CRYBG1: variants seen among roughly 807,000 people sequenced by gnomAD.
The protein encoded by CRYBG1 is crystallin beta-gamma domain containing 1, also known as beta/gamma crystallin domain-containing protein 1.
Under a neutral mutation model 189.2 loss-of-function variants are expected in CRYBG1, and 139 were observed. The observed-to-expected ratio is 0.73, with a 90% CI of 0.64 to 0.85. CRYBG1 has a LOEUF of 0.85. Ranked by LOEUF, CRYBG1 falls within the 40% of genes least tolerant of loss-of-function variation. The pLI is 0.00. For synonymous variants in CRYBG1, 1,023 were observed against 1,017.1 expected (o/e 1.01, Z -0.11); for missense variants, 2,611 against 2,675.8 (o/e 0.98, Z 0.53).
intron 1 of CRYBG1, among the ~76,000 whole-genome samples, chr6:106,367,799 CAAAA>C (rs68107811): frequency 1.5e-4 from 20 of 136,990 alleles, no homozygotes; most frequent in Non-Finnish European, 1.3e-4. Flanking sequence ...CCTGCTTATC[CAAAA>C]AAAAAAAAAA....
chr6:106,510,124 G>A (rs1171109043), intron 2 of CRYBG1, among the ~76,000 whole-genome samples: 1 of 152,258 alleles, frequency 6.6e-6, no homozygotes. Flanking sequence ...TTCCTGCGTC[G>A]CCAGGACTCA....
intron 2 of CRYBG1, among the ~76,000 whole-genome samples, chr6:106,458,732 G>A (rs1027628096): frequency 3.3e-5 from 5 of 152,136 alleles, no homozygotes; most frequent in Non-Finnish European, 2.9e-5. Context: ...AGCCTGCTGC[G>A]TGCAGCAGAA....
chr6:106,490,913 C>G (rs1200439308), intron 2 of CRYBG1, among the ~76,000 whole-genome samples: 1 of 152,074 alleles, frequency 6.6e-6, no homozygotes, highest in Non-Finnish European at 1.5e-5. Context: ...AATGTGTCCT[C>G]ATGATATAGT....
chr6:106,470,953 T>C (rs1269474771), intron 2 of CRYBG1, among the ~76,000 whole-genome samples: 1 of 152,232 alleles, frequency 6.6e-6, no homozygotes, highest in Non-Finnish European at 1.5e-5. Context: ...ACTCTTAGCC[T>C]GAACTTGGGT....
intron 3 of CRYBG1, among the ~76,000 whole-genome samples, chr6:106,514,028 C>A (rs978794983): frequency 6.6e-6 from 1 of 152,160 alleles, no homozygotes; most frequent in African/African-American, 2.4e-5. Context: ...AATCAAATAA[C>A]AATACAAGAT....
At position 106,361,051 on chromosome 6, in the gene CRYBG1, ACCCGCT is replaced by A; in HGVS notation, c.148_153del (p.Leu50_Pro51del). ...CCTGACTGTGGGGTGTTCGTTCCGCACCCGCTCCCGGCGCCTGCCGGAGAGGCCAGG... is the reference window on the plus strand; with the variant it reads ...CCTGACTGTGGGGTGTTCGTTCCGCACCCGGCGCCTGCCGGAGAGGCCAGG... On this transcript the variant is annotated inframe_deletion, in exon 1 of 22. Coordinates refer to ENST00000633556, the MANE Select transcript of CRYBG1 (RefSeq NM_001371242.2). The A allele has an allele frequency of 6.5e-7, 1 of 1,533,966 alleles. No individual in the cohort carries two copies.
intron 1 of CRYBG1, 21 bp from the exon 2 acceptor site, chr6:106,451,673 C>T (rs1266925738): frequency 6.5e-7 from 1 of 1,528,698 alleles, no homozygotes; most frequent in South Asian, 1.2e-5. Context: ...ATTGACATGA[C>T]TGTGGTTCCG....
Position 106,553,482 on chromosome 6 carries a change from C to CG in CRYBG1, c.5500_5501insG (p.Gln1834ArgfsTer8), listed in dbSNP as rs1774455516. Reference sequence around the variant, plus strand: ...TCACTTGTTTTCAGAACCACAGTTTCAAGGTCACAGTCAAAGTTTTGAAGA... The same window carrying CG: ...TCACTTGTTTTCAGAACCACAGTTTCGAAGGTCACAGTCAAAGTTTTGAAGA... On this transcript the variant is annotated frameshift_variant, in exon 16 of 22. Transcript: ENST00000633556. LOFTEE classifies it high-confidence loss of function. 1 of 1,612,986 alleles carries CG rather than the reference C, an allele frequency of 6.2e-7. No homozygotes were observed. Among genetic ancestry groups the CG allele is most frequent in the Admixed American group, 1.7e-5 (1 of 59,968 alleles).
intron 3 of CRYBG1, among the ~76,000 whole-genome samples, chr6:106,517,359 T>TAC (rs1773453725): frequency 1.3e-5 from 1 of 75,360 alleles, no homozygotes; most frequent in Admixed American, 1.3e-4. Context: ...CATATATATA[T>TAC]ACACATATAT....
intron 13 of CRYBG1, among the ~76,000 whole-genome samples, chr6:106,547,085 C>T (rs1774280552): frequency 6.6e-6 from 1 of 152,048 alleles, no homozygotes; most frequent in African/African-American, 2.4e-5. Flanking sequence ...TATTTTTAGT[C>T]ATTTCTAATT....
chr6:106,509,804 T>C (rs554071095), intron 2 of CRYBG1, among the ~76,000 whole-genome samples: 1 of 152,224 alleles, frequency 6.6e-6, no homozygotes, highest in South Asian at 2.1e-4. Flanking sequence ...TTTACTGCTC[T>C]GACCGCCTCT....
chr6:106,518,990 C>CAA, intron 3 of CRYBG1, 141 bp from the exon 4 acceptor site: 1 of 411,356 alleles, frequency 2.4e-6, no homozygotes, highest in Non-Finnish European at 3.9e-6. Context: ...CACACACACA[C>CAA]ATACACACAC....
intron 2 of CRYBG1, among the ~76,000 whole-genome samples, chr6:106,493,732 G>A (rs868152448): frequency 1.3e-5 from 2 of 152,198 alleles, no homozygotes; most frequent in African/African-American, 4.8e-5. Flanking sequence ...AACACCGCAT[G>A]TTCTCACTTA....
Position 106,544,996 on chromosome 6 carries a change from G to T in CRYBG1, c.5312+63G>T, listed in dbSNP as rs573103871. 3.5e-4 allele frequency: 494 copies of T among 1,416,088 alleles called. 1 individual carries two copies. The highest frequency in any genetic ancestry group is 4.4e-4 in the Non-Finnish European group (458 of 1,036,886). 87.7% of individuals were successfully genotyped at this position (1,416,088 alleles called of 1,614,324 possible). On this transcript the variant is annotated intron_variant, in intron 13 of 21. Transcript: ENST00000633556. ...TTTTACCTTGGTTTGTTTTAAACTG[G>T]TAAGAGTCTATCACAGAGTAGGCAT... is the stretch of plus-strand genomic sequence containing the variant.
rs1023547057 is a variant in CRYBG1, at chr6:106,451,729, G to C, written c.209G>C (p.Arg70Pro). Residue 70 changes from arginine (R) to proline (P), a missense_variant, in exon 2 of 22, where the codon CGA becomes CCA. Physicochemically the swap from Arg to Pro is moderately radical, Grantham distance 103 (BLOSUM62 -2). Around this residue, in one of 3 missense-constraint regions of CRYBG1, gnomAD observed 985 missense variants for 924.4 expected, o/e 1.07. Coordinates refer to ENST00000633556, the MANE Select transcript of CRYBG1 (RefSeq NM_001371242.2). ...LDVVDGKYVVRDSQEFPLHCG... is the reference protein window; with the variant it reads ...LDVVDGKYVVPDSQEFPLHCG... ...GTAGTCGATGGAAAATATGTGGTTC[G>C]AGACTCCCAGGAATTTCCACTGCAC... 18 of 1,534,254 alleles carry C rather than the reference G, an allele frequency of 1.2e-5. No individual in the cohort carries two copies. The highest frequency in any genetic ancestry group is 8.7e-7 in the Non-Finnish European group (1 of 1,146,224).
Position 106,519,480 on chromosome 6 carries a change from G to A in CRYBG1, c.2272G>A (p.Glu758Lys), listed in dbSNP as rs950134502. The change falls in exon 4 of 22, where the codon GAA becomes AAA. Residue 758 changes from glutamate to lysine, a missense_variant. Around this residue, in one of 3 missense-constraint regions of CRYBG1, gnomAD observed 1,622 missense variants for 1,735.0 expected, o/e 0.93. Coordinates refer to ENST00000633556, the MANE Select transcript of CRYBG1 (RefSeq NM_001371242.2). ...AIETKVTVSE[E>K]EILPATRGMN... The stretch of plus-strand genomic sequence containing the variant: ...AGAAACCAAAGTTACCGTCTCGGAA[G>A]AAGAGATTCTGCCAGCAACCAGAGG... 6.2e-7 allele frequency: 1 copy of A among 1,614,084 alleles called. No individual in the cohort carries two copies. The highest frequency in any genetic ancestry group is 1.1e-5 in the South Asian group (1 of 91,080).
intron 1 of CRYBG1, among the ~76,000 whole-genome samples, chr6:106,438,569 A>G (rs1350544492): frequency 6.6e-6 from 1 of 152,170 alleles, no homozygotes; most frequent in Non-Finnish European, 1.5e-5. Context: ...GCATTGTCAC[A>G]GGCGTGTGGC....
rs185620127 is a variant in CRYBG1, at chr6:106,524,285, G to A, written c.4246-848G>A. 1.9e-3 allele frequency among the ~76,000 whole-genome samples: 286 copies of A among 152,220 alleles called. 1 individual carries two copies. The highest frequency in any genetic ancestry group is 3.2e-3 in the Non-Finnish European group (220 of 68,008). On this transcript the variant is annotated intron_variant, in intron 4 of 21. Transcript: ENST00000633556. Reference sequence around the variant, plus strand: ...TCTATCAAAAAAGCGGGATTAGGCCGGGCACGGTGGCTCTCACCTGTAATC... The same window carrying A: ...TCTATCAAAAAAGCGGGATTAGGCCAGGCACGGTGGCTCTCACCTGTAATC...
intron 1 of CRYBG1, among the ~76,000 whole-genome samples, chr6:106,414,086 T>A (rs919303162): frequency 2.6e-5 from 4 of 152,206 alleles, no homozygotes; most frequent in African/African-American, 4.8e-5. Context: ...AAGCTCCTGG[T>A]TTTCCTTCAT....
Sources: gnomAD v4.1 joint callset for allele counts (sites outside exome capture counted in the v4.1 genomes callset) on GRCh38, gnomAD v4.1.1 for gene constraint, gnomAD v4.1.1 regional missense constraint, MANE v1.5 for transcripts, NCBI Gene and HGNC (gene_info 2026-07-23, HGNC 2026-07-21) for gene names.